The following GRM5 variants were observed in gnomAD, a reference collection of about 807,000 sequenced individuals.
GRM5 encodes metabotropic glutamate receptor 5.
In GRM5, 19 loss-of-function variants were observed where a neutral mutation model predicts 83.1. The ratio of observed to expected loss-of-function variants is 0.23; its 90% confidence interval spans 0.16 to 0.34. The LOEUF is 0.34. Among genes scored for constraint, GRM5 ranks in the 10% least tolerant of loss-of-function variants. GRM5 has a pLI of 1.00. For synonymous variants in GRM5, 675 were observed against 633.6 expected (o/e 1.07, Z -0.98); for missense variants, 1,160 against 1,588.3 (o/e 0.73, Z 4.58).
At chr11:88,551,619 T>C (rs1942510720) in intron 8 of GRM5, among the ~76,000 whole-genome samples, 1 of 152,220 alleles carries the variant, frequency 6.6e-6, no homozygotes, top group Non-Finnish European at 1.5e-5. Flanking sequence ...TAGTAGATTT[T>C]AGAGCTAAAA....
At chr11:88,791,204 G>A (rs3893149) in intron 3 of GRM5, among the ~76,000 whole-genome samples, 109,985 of 152,018 alleles carry the variant, frequency 0.72, 40,204 homozygotes, top group African/African-American at 0.75. Flanking sequence ...ACTTAAACCA[G>A]GAGGACAGGA....
rs986653521 is a variant in GRM5 at position 89,063,080 on chromosome 11, A to C, written c.-201+2696T>G. On this transcript the variant is annotated intron_variant, in intron 1 of 9. Transcript: ENST00000305447. ...CAGGCGCCACGAAGCGGCCCCTAAC[A>C]GATCTATTGAAAAGCAATTCTCTGT... Among the ~76,000 whole-genome samples, 28 of 152,228 alleles carry C rather than the reference A, an allele frequency of 1.8e-4. 1 individual carries two copies. Among genetic ancestry groups the C allele is most frequent in the Non-Finnish European group, 1.5e-5 (1 of 68,044 alleles).
intron 7 of GRM5, among the ~76,000 whole-genome samples, chr11:88,575,317 T>C (rs1290423892): frequency 6.6e-6 from 1 of 152,190 alleles, no homozygotes; most frequent in East Asian, 1.9e-4. Context: ...TAAATATCAT[T>C]ATCTCTATTT....
intron 2 of GRM5, among the ~76,000 whole-genome samples, chr11:88,865,424 G>C (rs1157059858): frequency 6.6e-6 from 1 of 152,154 alleles, no homozygotes; most frequent in African/African-American, 2.4e-5. Context: ...ATGGATTAAA[G>C]ACTTAAAAGT....
At chr11:88,863,260 GTA>G (rs1944599137) in intron 2 of GRM5, among the ~76,000 whole-genome samples, 1 of 151,902 alleles carries the variant, frequency 6.6e-6, no homozygotes, top group African/African-American at 2.4e-5. Flanking sequence ...CCATTACTGA[GTA>G]TATACCCAAA....
chr11:88,988,202 A>T (rs1939806150), intron 2 of GRM5, among the ~76,000 whole-genome samples: 1 of 152,132 alleles, frequency 6.6e-6, no homozygotes, highest in Non-Finnish European at 1.5e-5. Flanking sequence ...CTCGAGAACT[A>T]CGCGAAGAAT....
chr11:88,950,271 A>T (rs577865034), intron 2 of GRM5, among the ~76,000 whole-genome samples: 37 of 151,994 alleles, frequency 2.4e-4, no homozygotes, highest in Non-Finnish European at 2.8e-4. Context: ...AATATGTTCT[A>T]TGCTGTACTG....
intron 3 of GRM5, among the ~76,000 whole-genome samples, chr11:88,690,487 T>TAA (rs149147155): frequency 6.6e-6 from 1 of 151,472 alleles, no homozygotes; most frequent in African/African-American, 2.4e-5. Context: ...CTTTATTTTT[T>TAA]AAAAAAAAAT....
At chr11:88,777,211 C>A (rs1484185080) in intron 3 of GRM5, among the ~76,000 whole-genome samples, 1 of 152,216 alleles carries the variant, frequency 6.6e-6, no homozygotes, top group African/African-American at 2.4e-5. Context: ...GATACCGTTT[C>A]TTCCACCTGA....
chr11:88,526,441 C>T (rs1361470614), intron 8 of GRM5, among the ~76,000 whole-genome samples: 1 of 152,178 alleles, frequency 6.6e-6, no homozygotes, highest in African/African-American at 2.4e-5. Context: ...TCACAAGCCT[C>T]ATCAGTAGAG....
At chr11:88,787,724 G>A (rs1258442768) in intron 3 of GRM5, among the ~76,000 whole-genome samples, 3 of 152,024 alleles carry the variant, frequency 2.0e-5, no homozygotes, top group African/African-American at 4.8e-5. Flanking sequence ...ATTGCATTTA[G>A]GAGGTAAAGA....
intron 2 of GRM5, among the ~76,000 whole-genome samples, chr11:89,012,920 AG>A (rs1940748214): frequency 6.6e-6 from 1 of 152,260 alleles, no homozygotes; most frequent in African/African-American, 2.4e-5. Context: ...TACAGATGGT[AG>A]AGAATTTCTA....
rs568231719 is a variant in GRM5 at position 88,747,988 on chromosome 11, C to T, written c.912-94585G>A. Among the ~76,000 whole-genome samples the T allele has an allele frequency of 1.8e-4, 27 of 152,138 alleles. No homozygotes were observed. In the South Asian group the frequency reaches 4.8e-3, roughly 27 times the overall value. On this transcript the variant is annotated intron_variant, in intron 3 of 9. Transcript: ENST00000305447. ...TTGACTAGGCAAACAACCTGACCCA[C>T]GAAGAAGGAAGAAAAGTCAGAGGTG...
chr11:88,575,128 A>G (rs1355006814), intron 7 of GRM5, among the ~76,000 whole-genome samples: 1 of 152,154 alleles, frequency 6.6e-6, no homozygotes, highest in Non-Finnish European at 1.5e-5. Context: ...TCCAATAAAA[A>G]GAGAGTCTTT....
At chr11:88,761,511 C>T (rs1340919351) in intron 3 of GRM5, among the ~76,000 whole-genome samples, 3 of 151,944 alleles carry the variant, frequency 2.0e-5, no homozygotes, top group African/African-American at 7.3e-5. Flanking sequence ...TGAAAGATCT[C>T]TACAAGGAGA....
chr11:88,571,528 C>T (rs761588660), intron 7 of GRM5, among the ~76,000 whole-genome samples: 27 of 152,174 alleles, frequency 1.8e-4, no homozygotes, highest in Non-Finnish European at 3.1e-4. Context: ...AAAATGGATG[C>T]GTATCACAAT....
At chr11:88,677,232 T>G (rs1940356746) in intron 3 of GRM5, among the ~76,000 whole-genome samples, 1 of 152,128 alleles carries the variant, frequency 6.6e-6, no homozygotes, top group South Asian at 2.1e-4. Flanking sequence ...CCCTGACTTT[T>G]AATATAATGG....
intron 3 of GRM5, among the ~76,000 whole-genome samples, chr11:88,847,001 T>G (rs1944312713): frequency 6.6e-6 from 1 of 152,212 alleles, no homozygotes; most frequent in South Asian, 2.1e-4. Flanking sequence ...AGTAGAAAAG[T>G]ACACTGGATT....
chr11:88,904,326 A>ACT (rs1945368165), intron 2 of GRM5, among the ~76,000 whole-genome samples: 1 of 152,168 alleles, frequency 6.6e-6, no homozygotes, highest in Non-Finnish European at 1.5e-5. Flanking sequence ...TACTTTAAAA[A>ACT]CATTTTCTCA....
Sources: allele counts gnomAD v4.1 joint callset (sites outside exome capture counted in the v4.1 genomes callset), GRCh38; gene constraint gnomAD v4.1.1; transcripts MANE v1.5; gene names NCBI Gene and HGNC (gene_info 2026-07-23, HGNC 2026-07-21).